Variants in GPR137B observed in about 807,000 individuals in gnomAD.
GPR137B encodes the protein G protein-coupled receptor 137B.
GPR137B carries 42 observed loss-of-function variants against 42.5 expected under a neutral mutation model. The ratio of observed to expected loss-of-function variants is 0.99; its 90% confidence interval spans 0.77 to 1.28. GPR137B has a LOEUF of 1.28. GPR137B is among the 50% of genes most tolerant of loss of function. GPR137B has a pLI of 0.00. For synonymous variants in GPR137B, 218 were observed against 209.7 expected (o/e 1.04, Z -0.34); for missense variants, 487 against 493.9 (o/e 0.99, Z 0.13).
rs1436647263 is a variant in GPR137B, at chr1:236,205,322, T to C, written c.1091+72T>C. ...TTACACCAGTTAAATAGATTCAAGC[T>C]AAAAGAAAATTCCTACGTTAAAACT... On this transcript the variant is annotated intron_variant, in intron 6 of 6. Coordinates refer to ENST00000366592, the MANE Select transcript of GPR137B (RefSeq NM_003272.4). 7 of 1,346,532 alleles carry C rather than the reference T, an allele frequency of 5.2e-6. No homozygotes were observed. The East Asian group carries it at 1.6e-4, about 31-fold the overall frequency. 83.4% of individuals were successfully genotyped at this position (1,346,532 alleles called of 1,614,324 possible). A position where few individuals can be genotyped will look rare whatever the true frequency, so the allele number is the denominator to read the frequency against.
intron 2 of GPR137B, among the ~76,000 whole-genome samples, chr1:236,175,770 G>A (rs12565524): frequency 0.043 from 6,544 of 151,948 alleles, 335 homozygotes; most frequent in East Asian, 0.26. Flanking sequence ...TATTTCCCTC[G>A]CCCACTCCAT....
chr1:236,206,087 A>T (rs1663651932), intron 6 of GPR137B, among the ~76,000 whole-genome samples: 1 of 152,248 alleles, frequency 6.6e-6, no homozygotes, highest in Non-Finnish European at 1.5e-5. Context: ...TTTCATTTAC[A>T]TGAAGGGTAT....
intron 2 of GPR137B, among the ~76,000 whole-genome samples, chr1:236,174,571 C>A (rs887121960): frequency 6.6e-6 from 1 of 152,132 alleles, no homozygotes; most frequent in Non-Finnish European, 1.5e-5. Flanking sequence ...AATCTACTGA[C>A]CTTGACAATG....
intron 2 of GPR137B, among the ~76,000 whole-genome samples, chr1:236,175,944 C>T (rs947287341): frequency 2.0e-5 from 3 of 152,206 alleles, no homozygotes; most frequent in African/African-American, 7.2e-5. Flanking sequence ...AAGAAACACT[C>T]CCATGTTGAA....
At chr1:236,148,433 G>A (rs1025490948) in intron 1 of GPR137B, among the ~76,000 whole-genome samples, 1 of 152,202 alleles carries the variant, frequency 6.6e-6, no homozygotes, top group African/African-American at 2.4e-5. Context: ...GATGGAACAG[G>A]CTGGTTCAGC....
chr1:236,190,485 A>C (rs552237137), intron 5 of GPR137B, among the ~76,000 whole-genome samples: 1 of 151,996 alleles, frequency 6.6e-6, no homozygotes. Context: ...GTTCCTTTCC[A>C]TATTTAGTGC....
chr1:236,192,454 C>T (rs1398909453), intron 5 of GPR137B, among the ~76,000 whole-genome samples: 1 of 151,998 alleles, frequency 6.6e-6, no homozygotes, highest in East Asian at 1.9e-4. Context: ...TGCTTGAAAC[C>T]TAGGGCCCTG....
At chr1:236,203,898 T>C (rs1260487043) in intron 5 of GPR137B, among the ~76,000 whole-genome samples, 2 of 152,226 alleles carry the variant, frequency 1.3e-5, no homozygotes, top group Non-Finnish European at 2.9e-5. Flanking sequence ...ATTTGACTTT[T>C]TCTATTCCAA....
chr1:236,188,544 G>T (rs548717962), intron 5 of GPR137B, among the ~76,000 whole-genome samples: 18 of 152,238 alleles, frequency 1.2e-4, no homozygotes, highest in African/African-American at 4.1e-4. Context: ...GTTGAATTTT[G>T]TCGAAGGTCT....
chr1:236,152,726 C>A (rs1456002086), intron 1 of GPR137B, among the ~76,000 whole-genome samples: 1 of 149,986 alleles, frequency 6.7e-6, no homozygotes, highest in Non-Finnish European at 1.5e-5. Flanking sequence ...TGCACTGTAA[C>A]CTGGGTGACA....
chr1:236,144,569 ACACTCAGACTTCT>A lies in GPR137B; in HGVS notation c.414+1534_414+1546del, dbSNP rs1661630646. Among the ~76,000 whole-genome samples the A allele has an allele frequency of 4.6e-5, 7 of 152,404 alleles. No individual in the cohort carries two copies. In the East Asian group the frequency reaches 7.7e-4, roughly 17 times the overall value. ...AGTATAATCTTTTAAAAATGGGTCT[ACACTCAGACTTCT>A]TGTAAGTCCAGCGCATCAGCATATT... On this transcript the variant is annotated intron_variant, in intron 1 of 6. Coordinates refer to ENST00000366592, the MANE Select transcript of GPR137B (RefSeq NM_003272.4).
intron 2 of GPR137B, among the ~76,000 whole-genome samples, chr1:236,175,726 A>C (rs1168161044): frequency 3.9e-5 from 6 of 152,044 alleles, no homozygotes. Context: ...ACCTCCCTGT[A>C]AGCCAGGGGC....
At chr1:236,185,639 T>G (rs994990075) in intron 5 of GPR137B, among the ~76,000 whole-genome samples, 1 of 152,260 alleles carries the variant, frequency 6.6e-6, no homozygotes, top group Non-Finnish European at 1.5e-5. Context: ...CACCTCAGCC[T>G]TGACCTCCTG....
chr1:236,208,680 C>T lies in GPR137B; in HGVS notation c.*522C>T, dbSNP rs559094190. ...CAGTTGACAACTTAGCCAATTGCAA[C>T]TCCAGTGTTGATAATTAAAATGAAA... On this transcript the variant is annotated 3_prime_UTR_variant, in exon 7 of 7. Coordinates refer to ENST00000366592, the MANE Select transcript of GPR137B (RefSeq NM_003272.4). 1.8e-5 allele frequency: 18 copies of T among 985,290 alleles called. No homozygotes were observed. Among genetic ancestry groups the T allele is most frequent in the Non-Finnish European group, 2.2e-5 (18 of 829,650 alleles). 61.0% of individuals were successfully genotyped at this position (985,290 alleles called of 1,614,324 possible).
intron 4 of GPR137B, among the ~76,000 whole-genome samples, chr1:236,182,946 A>C (rs1007249547): frequency 2.6e-4 from 39 of 152,178 alleles, no homozygotes; most frequent in African/African-American, 9.4e-4. Flanking sequence ...TGGAGATGTG[A>C]TATAGAGGAA....
chr1:236,160,211 T>G (rs939765796), intron 1 of GPR137B, among the ~76,000 whole-genome samples: 1 of 152,178 alleles, frequency 6.6e-6, no homozygotes, highest in African/African-American at 2.4e-5. Flanking sequence ...TCCCCTCCCC[T>G]GTCCTCCCAT....
At chr1:236,147,014 G>C (rs564589756) in intron 1 of GPR137B, among the ~76,000 whole-genome samples, 1 of 152,298 alleles carries the variant, frequency 6.6e-6, no homozygotes, top group South Asian at 2.1e-4. Context: ...TCACCATCTT[G>C]GCCAGGCTGG....
chr1:236,164,635 AT>A (rs754196803), intron 1 of GPR137B, among the ~76,000 whole-genome samples: 13 of 152,172 alleles, frequency 8.5e-5, no homozygotes, highest in African/African-American at 1.4e-4. Flanking sequence ...GAGAGTTTAG[AT>A]TTTTGTTTTT....
In GPR137B at chr1:236,169,768, G is replaced by A. The variant is rs1194390537; in HGVS notation, c.464+1013G>A. Among the ~76,000 whole-genome samples, 9 of 152,064 alleles carry A rather than the reference G, an allele frequency of 5.9e-5. No individual in the cohort carries two copies. In the South Asian group the frequency reaches 1.2e-3, roughly 21 times the overall value. On this transcript the variant is annotated intron_variant, in intron 2 of 6. Transcript: ENST00000366592. ...AGAATACTCAGGTTTGGCTGGGCAC[G>A]GTGGCTCACGCCTGTAATCCCAGCA...
Sources: gnomAD v4.1 joint callset for allele counts (sites outside exome capture counted in the v4.1 genomes callset) on GRCh38, gnomAD v4.1.1 for gene constraint, MANE v1.5 for transcripts, NCBI Gene and HGNC (gene_info 2026-07-23, HGNC 2026-07-21) for gene names.